GPC5: variants seen among roughly 807,000 people sequenced by gnomAD.
GPC5 encodes the protein glypican 5, also known as glypican-5.
GPC5 carries 47 observed loss-of-function variants against 53.9 expected under a neutral mutation model. The observed-to-expected ratio is 0.87, with a 90% CI of 0.69 to 1.11. GPC5 has a LOEUF of 1.11. Ranked by LOEUF, GPC5 falls within the 50% of genes most tolerant of loss-of-function variation. GPC5 has a pLI of 0.00. For synonymous variants in GPC5, 286 were observed against 263.3 expected (o/e 1.09, Z -0.84); for missense variants, 748 against 713.1 (o/e 1.05, Z -0.56).
At chr13:91,938,530 C>G (rs978249520) in intron 6 of GPC5, among the ~76,000 whole-genome samples, 3 of 152,086 alleles carry the variant, frequency 2.0e-5, no homozygotes, top group African/African-American at 7.2e-5. Flanking sequence ...AAGATTGATT[C>G]CTTTGAACTA....
At chr13:92,438,690 A>T (rs1388674569) in intron 7 of GPC5, among the ~76,000 whole-genome samples, 1 of 152,092 alleles carries the variant, frequency 6.6e-6, no homozygotes, top group Non-Finnish European at 1.5e-5. Context: ...AATAACTGTT[A>T]CTGGGACAAT....
chr13:91,691,866 A>G (rs1184338918), intron 2 of GPC5, among the ~76,000 whole-genome samples: 1 of 152,134 alleles, frequency 6.6e-6, no homozygotes, highest in East Asian at 1.9e-4. Context: ...TTATTGCGTG[A>G]TCTTTTACAA....
At chr13:91,432,717 C>G (rs1879594020) in intron 1 of GPC5, among the ~76,000 whole-genome samples, 1 of 151,822 alleles carries the variant, frequency 6.6e-6, no homozygotes, top group South Asian at 2.1e-4. Flanking sequence ...TAGGACAGTG[C>G]CTGTATTTTG....
chr13:91,434,279 G>T (rs1443573907), intron 1 of GPC5, among the ~76,000 whole-genome samples: 1 of 152,154 alleles, frequency 6.6e-6, no homozygotes, highest in African/African-American at 2.4e-5. Context: ...CCTTGCCCAT[G>T]CCTATGTCCT....
intron 2 of GPC5, among the ~76,000 whole-genome samples, chr13:91,560,924 C>T (rs2031224147): frequency 6.6e-6 from 1 of 152,084 alleles, no homozygotes; most frequent in East Asian, 1.9e-4. Context: ...GCTTGTGCCT[C>T]CTTACCATTT....
chr13:92,709,966 CA>C (rs1888079788), intron 7 of GPC5, among the ~76,000 whole-genome samples: 1 of 152,112 alleles, frequency 6.6e-6, no homozygotes. Context: ...TGAATTTGTT[CA>C]AAATGGATAT....
chr13:92,828,664 A>C (rs1221219843), intron 7 of GPC5, among the ~76,000 whole-genome samples: 2 of 152,118 alleles, frequency 1.3e-5, no homozygotes, highest in African/African-American at 4.8e-5. Context: ...ATGAGCATAC[A>C]CCATAGGAAA....
At chr13:91,887,440 C>G (rs1030800527) in intron 5 of GPC5, among the ~76,000 whole-genome samples, 2 of 152,188 alleles carry the variant, frequency 1.3e-5, no homozygotes, top group Non-Finnish European at 2.9e-5. Flanking sequence ...TCTCATTGTC[C>G]TGGTGATTAA....
At chr13:92,402,897 C>A (rs1875623862) in intron 7 of GPC5, among the ~76,000 whole-genome samples, 1 of 152,176 alleles carries the variant, frequency 6.6e-6, no homozygotes, top group African/African-American at 2.4e-5. Flanking sequence ...CCACTCAATG[C>A]AAGTTTTGAG....
intron 2 of GPC5, among the ~76,000 whole-genome samples, chr13:91,500,055 C>G (rs1303887157): frequency 6.6e-6 from 1 of 152,178 alleles, no homozygotes; most frequent in Non-Finnish European, 1.5e-5. Flanking sequence ...GCCCTCATTT[C>G]CAGCTAGTTC....
chr13:92,108,889 A>T (rs1440478830), intron 6 of GPC5, among the ~76,000 whole-genome samples: 1 of 152,068 alleles, frequency 6.6e-6, no homozygotes, highest in African/African-American at 2.4e-5. Flanking sequence ...TAGCCATCGT[A>T]TGTAAATTAC....
rs921036323 is a variant in GPC5 at position 92,599,805 on chromosome 13, C to CT, written c.1562-266468dup. Among the ~76,000 whole-genome samples, 80 of 23,998 alleles carry CT rather than the reference C, an allele frequency of 3.3e-3. No homozygotes were observed. In the South Asian group the frequency reaches 0.18, roughly 55 times the overall value. The allele number at this position is 23,998 out of a possible 152,430, so 15.7% of individuals were successfully genotyped here. A position where few individuals can be genotyped will look rare whatever the true frequency, so the allele number is the denominator to read the frequency against. On this transcript the variant is annotated intron_variant, in intron 7 of 7. Coordinates refer to ENST00000377067, the MANE Select transcript of GPC5 (RefSeq NM_004466.6). ...ATTAAGAGAGAGGGTTAAATTAAGA[C>CT]TTTTTTTTTGTAAAAAAAAATTATT... is the stretch of plus-strand genomic sequence containing the variant.
intron 5 of GPC5, among the ~76,000 whole-genome samples, chr13:91,782,871 C>G (rs919724029): frequency 3.3e-5 from 5 of 152,036 alleles, no homozygotes; most frequent in Admixed American, 6.5e-5. Context: ...AAAACAGATG[C>G]CTTTCTTAAG....
intron 3 of GPC5, among the ~76,000 whole-genome samples, chr13:91,723,300 G>A (rs1261698513): frequency 2.6e-5 from 4 of 151,354 alleles, no homozygotes; most frequent in Non-Finnish European, 5.9e-5. Flanking sequence ...TTTTCCTTCT[G>A]CCATTTACAT....
chr13:91,789,491 A>T (rs1304399746), intron 5 of GPC5, among the ~76,000 whole-genome samples: 1 of 152,196 alleles, frequency 6.6e-6, no homozygotes, highest in African/African-American at 2.4e-5. Flanking sequence ...AAAAACACAC[A>T]GTTATTTAGC....
At chr13:91,725,804 T>C (rs2036564300) in intron 3 of GPC5, among the ~76,000 whole-genome samples, 1 of 152,174 alleles carries the variant, frequency 6.6e-6, no homozygotes, top group African/African-American at 2.4e-5. Flanking sequence ...TTCTCTGAAC[T>C]CATAACTTCA....
intron 7 of GPC5, among the ~76,000 whole-genome samples, chr13:92,501,594 T>A (rs1880185787): frequency 6.6e-6 from 1 of 151,802 alleles, no homozygotes; most frequent in Non-Finnish European, 1.5e-5. Flanking sequence ...TTCAAAACAC[T>A]CATCAAACCC....
chr13:91,654,583 T>A lies in GPC5; in HGVS notation c.326-38604T>A, dbSNP rs1262683124. On this transcript the variant is annotated intron_variant, in intron 2 of 7. Transcript: ENST00000377067. ...ACGATGTCAGGAAGGATATACTTTA[T>A]ACACTGTCTCTGGTTAGTTGAATTG... Among the ~76,000 whole-genome samples, 6 of 152,318 alleles carry A rather than the reference T, an allele frequency of 3.9e-5. No homozygotes were observed. The East Asian group carries it at 5.8e-4, about 15-fold the overall frequency.
At chr13:92,628,018 T>A (rs2139126049) in intron 7 of GPC5, among the ~76,000 whole-genome samples, 1 of 152,178 alleles carries the variant, frequency 6.6e-6, no homozygotes, top group Middle Eastern at 3.4e-3. Context: ...ACTTTTCTCA[T>A]TTGAGTGTAT....
Sources: allele counts gnomAD v4.1 joint callset (sites outside exome capture counted in the v4.1 genomes callset), GRCh38; gene constraint gnomAD v4.1.1; transcripts MANE v1.5; gene names NCBI Gene and HGNC (gene_info 2026-07-23, HGNC 2026-07-21).